The following SLC36A1 variants were observed in gnomAD, a reference collection of about 807,000 sequenced individuals.
The protein encoded by SLC36A1 is solute carrier family 36 member 1.
A neutral mutation model predicts 47.5 loss-of-function variants in SLC36A1; 30 were observed. The ratio of observed to expected loss-of-function variants is 0.63; its 90% CI spans 0.47 to 0.86. The LOEUF (loss-of-function observed/expected upper bound fraction) is 0.86, where lower values mean the gene tolerates loss of function less well. Among genes scored for constraint, SLC36A1 ranks in the 40% least tolerant of loss-of-function variants. The probability of loss-of-function intolerance (pLI) is 0.00; values close to 1 mark genes in which losing one functional copy is unlikely to be tolerated. For synonymous variants in SLC36A1, 255 were observed against 249.7 expected (o/e 1.02, Z -0.20); for missense variants, 517 against 606.0 (o/e 0.85, Z 1.54).
chr5:151,377,590 G>A, the SLC36A1 span, among the ~76,000 whole-genome samples: 1 of 151,240 alleles, frequency 6.6e-6, no homozygotes, highest in Non-Finnish European at 1.5e-5. Flanking sequence ...CTCGTGATCC[G>A]CCCGTCTCGG....
chr5:151,545,677 G>A, the SLC36A1 span: 168 of 1,613,960 alleles, frequency 1.0e-4, no homozygotes, highest in Non-Finnish European at 1.3e-4. Context: ...TCCCATGCTG[G>A]GATCAATTTT....
the SLC36A1 span, chr5:151,537,841 A>C: frequency 6.2e-7 from 1 of 1,614,160 alleles, no homozygotes; most frequent in Non-Finnish European, 8.5e-7. Context: ...CCATGCAGAG[A>C]ATATGTGATC....
At chr5:151,400,852 A>G in the SLC36A1 span, among the ~76,000 whole-genome samples, 1 of 152,018 alleles carries the variant, frequency 6.6e-6, no homozygotes, top group African/African-American at 2.4e-5. Context: ...TCTTTTGCCT[A>G]CTTTTTAATG....
At chr5:151,372,970 GAGA>G in the SLC36A1 span, among the ~76,000 whole-genome samples, 9 of 152,174 alleles carry the variant, frequency 5.9e-5, no homozygotes, top group African/African-American at 2.2e-4. Flanking sequence ...ATTTGACTTT[GAGA>G]AGATGAGGTA....
intron 1 of SLC36A1, among the ~76,000 whole-genome samples, chr5:151,438,329 A>C (rs1286112195): frequency 6.6e-6 from 1 of 152,048 alleles, no homozygotes; most frequent in Non-Finnish European, 1.5e-5. Flanking sequence ...AATCTTTTTC[A>C]CATAACATGA....
chr5:151,349,529 C>G, the SLC36A1 span, among the ~76,000 whole-genome samples: 1 of 152,108 alleles, frequency 6.6e-6, no homozygotes, highest in African/African-American at 2.4e-5. Flanking sequence ...CCAGTGTCCC[C>G]TTTGCAAGAT....
At chr5:151,446,901 CT>C (rs1416149948), upstream of SLC36A1, among the ~76,000 whole-genome samples, 1 of 152,170 alleles carries the variant, frequency 6.6e-6, no homozygotes, top group Non-Finnish European at 1.5e-5. Flanking sequence ...CTATTTCTCC[CT>C]TCATGGCCAT....
chr5:151,426,000 A>ATCTATCTATCTG, the SLC36A1 span, among the ~76,000 whole-genome samples: 2 of 150,994 alleles, frequency 1.3e-5, no homozygotes, highest in African/African-American at 2.4e-5. Context: ...CTATCTATCT[A>ATCTATCTATCTG]TCTATACCTA....
At chr5:151,507,223 G>T in the SLC36A1 span, 4 of 1,613,340 alleles carry the variant, frequency 2.5e-6, no homozygotes, top group Admixed American at 6.7e-5. Context: ...ACCGCAGCTG[G>T]CGGGAGTCTG....
chr5:151,448,084 A>G (rs1314281077), intron 1 of SLC36A1, among the ~76,000 whole-genome samples: 1 of 152,170 alleles, frequency 6.6e-6, no homozygotes, highest in Non-Finnish European at 1.5e-5. Context: ...GTTTCCAGCA[A>G]ATGTCTTGCC....
chr5:151,485,676 A>C (rs1244271722), intron 10 of SLC36A1, among the ~76,000 whole-genome samples: 1 of 152,080 alleles, frequency 6.6e-6, no homozygotes, highest in Non-Finnish European at 1.5e-5. Context: ...CTCTCTTTCC[A>C]TAGGACTGTA....
the SLC36A1 span, among the ~76,000 whole-genome samples, chr5:151,421,950 A>G: frequency 2.0e-5 from 3 of 152,226 alleles, no homozygotes; most frequent in Non-Finnish European, 4.4e-5. Flanking sequence ...AGAAAGTGGA[A>G]AAAAGGACAC....
At chr5:151,394,142 T>A in the SLC36A1 span, among the ~76,000 whole-genome samples, 1 of 152,230 alleles carries the variant, frequency 6.6e-6, no homozygotes, top group Non-Finnish European at 1.5e-5. Flanking sequence ...TCTCGCTTCA[T>A]TTCATTCATT....
At chr5:151,531,793 C>T in the SLC36A1 span, 25 of 1,612,814 alleles carry the variant, frequency 1.6e-5, 1 homozygote, top group Admixed American at 3.2e-4. The surrounding 1 kb of genome is among the most constrained non-coding windows in gnomAD (Gnocchi z 5.7). Flanking sequence ...TGTGACGGTG[C>T]CCAGCGTGGA....
chr5:151,413,759 CATAAAAA>C, the SLC36A1 span, among the ~76,000 whole-genome samples: 3 of 151,720 alleles, frequency 2.0e-5, no homozygotes, highest in Non-Finnish European at 4.4e-5. Context: ...CAAGAGACAT[CATAAAAA>C]ATAAACAAGA....
At chr5:151,546,423 A>G in the SLC36A1 span, 37 of 1,021,042 alleles carry the variant, frequency 3.6e-5, no homozygotes, top group South Asian at 5.7e-4. Flanking sequence ...GGTCTATCAC[A>G]CAAAACCTGG....
intron 10 of SLC36A1, chr5:151,479,862 T>C (rs1007538137): frequency 2.3e-5 from 12 of 527,482 alleles, no homozygotes; most frequent in African/African-American, 3.9e-5. Flanking sequence ...AGGGTACTTA[T>C]TTGCTTTTTC....
chr5:151,432,388 C>T (rs1759409061), upstream of SLC36A1, among the ~76,000 whole-genome samples: 1 of 152,082 alleles, frequency 6.6e-6, no homozygotes, highest in African/African-American at 2.4e-5. Flanking sequence ...TTCTTGCTCC[C>T]ACTCAAAGGT....
chr5:151,487,238 T>A (rs975702536), intron 10 of SLC36A1, among the ~76,000 whole-genome samples: 14 of 152,212 alleles, frequency 9.2e-5, no homozygotes, highest in African/African-American at 3.1e-4. Flanking sequence ...TGAAGCCTCC[T>A]CCTGCTTACA....
Sources: gnomAD v4.1 joint callset for allele counts (sites outside exome capture counted in the v4.1 genomes callset) on GRCh38, gnomAD v4.1.1 for gene constraint, Gnocchi (gnomAD v3.1) non-coding constraint, MANE v1.5 for transcripts, NCBI Gene and HGNC (gene_info 2026-07-23, HGNC 2026-07-21) for gene names.